MRFAP1L1: variants seen among roughly 807,000 people sequenced by gnomAD.
MRFAP1L1 encodes the protein Morf4 family associated protein 1 like 1, also known as MORF4 family-associated protein 1-like 1.
A neutral mutation model predicts 10.6 loss-of-function variants in MRFAP1L1; 9 were observed. The ratio of observed to expected loss-of-function variants is 0.85; its 90% CI spans 0.51 to 1.48. The LOEUF is 1.48. Ranked by LOEUF, MRFAP1L1 falls within the 40% of genes most tolerant of loss-of-function variation. MRFAP1L1 has a pLI of 0.00. For missense variants in MRFAP1L1, 177 were observed against 171.4 expected (o/e 1.03, Z -0.18); for synonymous variants, 78 against 70.4 (o/e 1.11, Z -0.54).
In MRFAP1L1 at chr4:6,709,268, A is replaced by G; in HGVS notation, c.362T>C (p.Ile121Thr). 1 of 1,614,122 alleles carries G rather than the reference A, an allele frequency of 6.2e-7. No homozygotes were observed. Among genetic ancestry groups the G allele is most frequent in the Non-Finnish European group, 8.5e-7 (1 of 1,179,954 alleles). ...CCTTCAAGAAGACTCGCTTCTCTCTATTCGCCAGACGAGCTCGACCAGCAT... is the reference window on the plus strand; with the variant it reads ...CCTTCAAGAAGACTCGCTTCTCTCTGTTCGCCAGACGAGCTCGACCAGCAT... ...AEMLVELVWR[I>T]ERSESS is the part of the protein sequence containing the mutation. The change falls in exon 1 of 2, where the codon ATA (isoleucine) becomes ACA (threonine). Residue 121 changes from isoleucine to threonine, a missense_variant. Transcript: ENST00000320848.
rs894580093 is a variant in MRFAP1L1, at chr4:6,709,565, T to C, written c.65A>G (p.Glu22Gly). The change falls in exon 1 of 2, where the codon GAG becomes GGG. Residue 22 changes from glutamate (E) to glycine (G), a missense_variant. Physicochemically the swap from Glu to Gly is moderately conservative, Grantham distance 98. Transcript: ENST00000320848. Reference protein sequence around the residue: ...PEEVEVLEPEEDFEQFLLPVI... With the variant: ...PEEVEVLEPEGDFEQFLLPVI... Reference sequence around the variant, plus strand: ...CGGGAGCAGGAACTGCTCGAAATCCTCCTCGGGCTCCAGCACCTCCACTTC... The same window carrying C: ...CGGGAGCAGGAACTGCTCGAAATCCCCCTCGGGCTCCAGCACCTCCACTTC... 1 of 1,614,066 alleles carries C rather than the reference T, an allele frequency of 6.2e-7. No homozygotes were observed. The highest frequency in any genetic ancestry group is 8.5e-7 in the Non-Finnish European group (1 of 1,180,016).
At position 6,708,121 on chromosome 4, in the gene MRFAP1L1, G is replaced by A. The variant is rs1714651615; in HGVS notation, c.*538C>T. The A allele has an allele frequency of 1.3e-5, 2 of 152,536 alleles. No homozygotes were observed. The highest frequency in any genetic ancestry group is 4.8e-5 in the African/African-American group (2 of 41,406). 9.4% of individuals were successfully genotyped at this position (152,536 alleles called of 1,614,324 possible). On this transcript the variant is annotated 3_prime_UTR_variant, in exon 2 of 2. Coordinates refer to ENST00000320848, the MANE Select transcript of MRFAP1L1 (RefSeq NM_203462.3). ...AGCTCTCCTCTTTCGTCTCACAGAG[G>A]AACTAAAGTTCCAAAATATATACAA... is the stretch of plus-strand genomic sequence containing the variant.
chr4:6,708,936 A>C (rs1019268764), intron 1 of MRFAP1L1: 5 of 373,482 alleles, frequency 1.3e-5, no homozygotes, highest in Admixed American at 8.0e-5. Flanking sequence ...ACTTCTGGCG[A>C]CTGCCCTATT....
In MRFAP1L1 at chr4:6,709,606, C is replaced by G; in HGVS notation, c.24G>C (p.Glu8Asp). 6.2e-7 allele frequency: 1 copy of G among 1,613,626 alleles called. No homozygotes were observed. The highest frequency in any genetic ancestry group is 1.1e-5 in the South Asian group (1 of 91,082). ...CCTCCACTTCCTCAGGCGCTTCCAC[C>G]TCGTCTATGTCCAGGGGCCGCATCT... MRPLDID[E>D]VEAPEEVEVL... is the part of the protein sequence containing the mutation. Residue 8 changes from glutamate to aspartate, a missense_variant, in exon 1 of 2, where the codon GAG becomes GAC. Physicochemically the swap from Glu to Asp is conservative, Grantham distance 45 (BLOSUM62 2). Transcript: ENST00000320848.
In MRFAP1L1 at chr4:6,709,521, C is replaced by A. The variant is rs751499970; in HGVS notation, c.109G>T (p.Glu37Ter). 6 of 1,614,278 alleles carry A rather than the reference C, an allele frequency of 3.7e-6. No homozygotes were observed. The highest frequency in any genetic ancestry group is 5.1e-6 in the Non-Finnish European group (6 of 1,180,048). The change falls in exon 1 of 2, where the codon GAG becomes TAG. Residue 37 changes from glutamate (E) to a stop codon, truncating the protein, a stop_gained. Transcript: ENST00000320848. LOFTEE classifies it high-confidence loss of function. ...TCGCGTATAAGAGACGCGATGTCCT[C>A]GCGCATCTCGTTGATGACCGGGAGC... ...FLLPVINEMREDIASLIREHG... is the reference protein window; with the variant it reads ...FLLPVINEMR
rs1714686442 is a variant in MRFAP1L1 at position 6,708,964 on chromosome 4, T to G, written c.*15+267A>C. The G allele has an allele frequency of 1.7e-5, 8 of 459,594 alleles. No homozygotes were observed. The South Asian group carries it at 1.9e-4, about 11-fold the overall frequency. 28.5% of individuals were successfully genotyped at this position (459,594 alleles called of 1,614,324 possible). A position where few individuals can be genotyped will look rare whatever the true frequency, so the allele number is the denominator to read the frequency against. On this transcript the variant is annotated intron_variant, in intron 1 of 1. Coordinates refer to ENST00000320848, the MANE Select transcript of MRFAP1L1 (RefSeq NM_203462.3). Reference sequence around the variant, plus strand: ...GCCCTATTAGAATTGACTTTTATGTTTCACAAAAACAAAACCGAAGTTACT... The same window carrying G: ...GCCCTATTAGAATTGACTTTTATGTGTCACAAAAACAAAACCGAAGTTACT...
Position 6,709,471 on chromosome 4 carries a change from G to C in MRFAP1L1, c.159C>G (p.Thr53=), listed in dbSNP as rs1454771119. The change falls in exon 1 of 2, where the codon ACC becomes ACG. Residue 53 remains threonine, a synonymous_variant. Coordinates refer to ENST00000320848, the MANE Select transcript of MRFAP1L1 (RefSeq NM_203462.3). ...TGTCCATCTCCCACAGCTTGCTCCTGGTCCGCAGGTACGCCCGCCCGTGCT... is the reference window on the plus strand; with the variant it reads ...TGTCCATCTCCCACAGCTTGCTCCTCGTCCGCAGGTACGCCCGCCCGTGCT... ...IREHGRAYLR[T]RSKLWEMDNM... 6.2e-7 allele frequency: 1 copy of C among 1,614,138 alleles called. No individual in the cohort carries two copies. Among genetic ancestry groups the C allele is most frequent in the African/African-American group, 1.3e-5 (1 of 74,944 alleles).
At chr4:6,708,735 G>C (rs921119129) in intron 1 of MRFAP1L1, 92 bp from the exon 2 acceptor site, 3 of 158,948 alleles carry the variant, frequency 1.9e-5, no homozygotes, top group African/African-American at 7.2e-5. Context: ...CCACCCAGAA[G>C]AATGCCACTT....
rs1040558084 is a variant in MRFAP1L1 at position 6,709,798 on chromosome 4, T to C, written c.-169A>G. 5.4e-6 allele frequency: 5 copies of C among 932,462 alleles called. No individual in the cohort carries two copies. Among genetic ancestry groups the C allele is most frequent in the East Asian group, 5.3e-5 (2 of 37,388 alleles). 57.8% of individuals were successfully genotyped at this position (932,462 alleles called of 1,614,324 possible). ...TTTCTTCCTTTTAATTGTAAGCCTT[T>C]CGCTTCACAACTCTGCGGGAAGAAT... On this transcript the variant is annotated 5_prime_UTR_variant, in exon 1 of 2. Coordinates refer to ENST00000320848, the MANE Select transcript of MRFAP1L1 (RefSeq NM_203462.3).
At chr4:6,708,999 C>T (rs943677493) in intron 1 of MRFAP1L1, 2 of 534,836 alleles carry the variant, frequency 3.7e-6, no homozygotes, top group African/African-American at 1.9e-5. Flanking sequence ...TGTTATCTTT[C>T]TCTAATTAAC....
Position 6,709,616 on chromosome 4 carries a change from T to A in MRFAP1L1, c.14A>T (p.Asp5Val). ...CTCAGGCGCTTCCACCTCGTCTATG[T>A]CCAGGGGCCGCATCTCCTCCTGCCG... is the stretch of plus-strand genomic sequence containing the variant. MRPL[D>V]IDEVEAPEEV... The change falls in exon 1 of 2, where the codon GAC becomes GTC. Residue 5 changes from aspartate to valine, a missense_variant. Coordinates refer to ENST00000320848, the MANE Select transcript of MRFAP1L1 (RefSeq NM_203462.3). The A allele has an allele frequency of 1.2e-6, 2 of 1,612,068 alleles. No homozygotes were observed. Among genetic ancestry groups the A allele is most frequent in the Non-Finnish European group, 1.7e-6 (2 of 1,178,196 alleles).
In MRFAP1L1 at chr4:6,709,541, G is replaced by A. The variant is rs750534627; in HGVS notation, c.89C>T (p.Pro30Leu). 1 of 1,614,096 alleles carries A rather than the reference G, an allele frequency of 6.2e-7. No homozygotes were observed. The highest frequency in any genetic ancestry group is 1.7e-5 in the Admixed American group (1 of 60,012). Residue 30 changes from proline (P) to leucine (L), a missense_variant, in exon 1 of 2, where the codon CCG becomes CTG. Coordinates refer to ENST00000320848, the MANE Select transcript of MRFAP1L1 (RefSeq NM_203462.3). ...PEEDFEQFLLPVINEMREDIA... is the reference protein window; with the variant it reads ...PEEDFEQFLLLVINEMREDIA... Reference sequence around the variant, plus strand: ...GTCCTCGCGCATCTCGTTGATGACCGGGAGCAGGAACTGCTCGAAATCCTC... The same window carrying A: ...GTCCTCGCGCATCTCGTTGATGACCAGGAGCAGGAACTGCTCGAAATCCTC...
chr4:6,708,958 T>G, intron 1 of MRFAP1L1: 1 of 446,620 alleles, frequency 2.2e-6, no homozygotes. Context: ...GAATTGACTT[T>G]TATGTTTCAC....
At chr4:6,709,104 G>A (rs1186323105) in intron 1 of MRFAP1L1, 127 bp downstream of exon 1, 2 of 1,069,526 alleles carry the variant, frequency 1.9e-6, no homozygotes, top group African/African-American at 1.6e-5. Context: ...TGTTCCCAAT[G>A]CTCAATTTTT....
intron 1 of MRFAP1L1, 79 bp downstream of exon 1, chr4:6,709,152 C>CT (rs1445995737): frequency 6.7e-7 from 1 of 1,499,680 alleles, no homozygotes; most frequent in African/African-American, 1.4e-5. Flanking sequence ...TAGAACATAA[C>CT]TTTTTACAGG....
At position 6,709,780 on chromosome 4, in the gene MRFAP1L1, CT is replaced by C; in HGVS notation, c.-152del. Reference sequence around the variant, plus strand: ...GAATTATCTTTATTTTTTTTTCTTCCTTTTAATTGTAAGCCTTTCGCTTCAC... The same window carrying C: ...GAATTATCTTTATTTTTTTTTCTTCCTTTAATTGTAAGCCTTTCGCTTCAC... On this transcript the variant is annotated 5_prime_UTR_variant, in exon 1 of 2. Transcript: ENST00000320848. The C allele has an allele frequency of 9.3e-7, 1 of 1,080,216 alleles. No individual in the cohort carries two copies. Among genetic ancestry groups the C allele is most frequent in the Non-Finnish European group, 1.3e-6 (1 of 764,172 alleles). 66.9% of individuals were successfully genotyped at this position (1,080,216 alleles called of 1,614,324 possible). A position where few individuals can be genotyped will look rare whatever the true frequency, so the allele number is the denominator to read the frequency against.
chr4:6,708,879 G>A (rs534628765), intron 1 of MRFAP1L1: 1 of 259,850 alleles, frequency 3.8e-6, no homozygotes, highest in East Asian at 9.1e-5. Context: ...CTATGGCCTA[G>A]GTCTTCTTTG....
chr4:6,708,859 C>G (rs1714683147), intron 1 of MRFAP1L1: 1 of 207,106 alleles, frequency 4.8e-6, no homozygotes, highest in East Asian at 1.2e-4. Flanking sequence ...AGCCTGCGTT[C>G]CACTGTGCTC....
At chr4:6,709,055 A>G in intron 1 of MRFAP1L1, 176 bp downstream of exon 1, 2 of 688,028 alleles carry the variant, frequency 2.9e-6, no homozygotes, top group Non-Finnish European at 4.8e-6. Context: ...CTAACGCCTA[A>G]CAAAACCAGC....
Sources: gnomAD v4.1 joint callset for allele counts on GRCh38, gnomAD v4.1.1 for gene constraint, MANE v1.5 for transcripts, NCBI Gene and HGNC (gene_info 2026-07-23, HGNC 2026-07-21) for gene names.